The following NWD2 variants were observed in gnomAD, a reference collection of about 807,000 sequenced individuals.
NWD2 encodes NACHT and WD repeat domain-containing protein 2.
NWD2 carries 37 observed loss-of-function variants against 132.7 expected under a neutral mutation model. That is an observed-to-expected ratio of 0.28 (90% CI 0.21 to 0.37). The LOEUF is 0.37. Among genes scored for constraint, NWD2 ranks in the 10% least tolerant of loss-of-function variants. The probability of loss-of-function intolerance (pLI) is 1.00; values close to 1 mark genes in which losing one functional copy is unlikely to be tolerated. For synonymous variants in NWD2, 705 were observed against 803.0 expected, an observed-to-expected ratio of 0.88 and a Z score of 2.06; for missense variants, 1,592 against 2,122.4, an observed-to-expected ratio of 0.75 and a Z score of 4.91.
chr4:37,298,442 G>A (rs2109275442), intron 1 of NWD2, among the ~76,000 whole-genome samples: 1 of 152,288 alleles, frequency 6.6e-6, no homozygotes, highest in Admixed American at 6.5e-5. Context: ...CTAGGTGCGA[G>A]AGCCAGGCCA....
intron 1 of NWD2, among the ~76,000 whole-genome samples, chr4:37,266,989 C>A (rs934821877): frequency 6.6e-6 from 1 of 151,650 alleles, no homozygotes; most frequent in Non-Finnish European, 1.5e-5. Context: ...AGTTTAATGA[C>A]GAGAAAATAT....
chr4:37,259,182 T>G (rs1283473750), intron 1 of NWD2, among the ~76,000 whole-genome samples: 1 of 152,234 alleles, frequency 6.6e-6, no homozygotes, highest in African/African-American at 2.4e-5. Context: ...GGGCAGGTTC[T>G]AGAACCCTGA....
chr4:37,308,922 C>T (rs10032331), intron 1 of NWD2, among the ~76,000 whole-genome samples: 5,864 of 152,238 alleles, frequency 0.039, 346 homozygotes, highest in East Asian at 0.12. Flanking sequence ...GTCCTTAGGC[C>T]CCTGATGGGG....
At chr4:37,287,488 AG>A (rs1227907763) in intron 1 of NWD2, among the ~76,000 whole-genome samples, 2 of 152,210 alleles carry the variant, frequency 1.3e-5, no homozygotes, top group African/African-American at 4.8e-5. Flanking sequence ...TTGGTCCCCA[AG>A]AAGTGTTCCC....
chr4:37,385,440 G>A (rs1720539823), intron 3 of NWD2, among the ~76,000 whole-genome samples: 1 of 152,120 alleles, frequency 6.6e-6, no homozygotes, highest in Non-Finnish European at 1.5e-5. Flanking sequence ...CCCACAAAGG[G>A]TCCTGATCCT....
chr4:37,424,894 C>G (rs373420911), intron 3 of NWD2, among the ~76,000 whole-genome samples: 2 of 152,150 alleles, frequency 1.3e-5, no homozygotes, highest in South Asian at 4.1e-4. Flanking sequence ...GACTCAGACC[C>G]CAAAGATTCT....
chr4:37,356,336 A>T, intron 2 of NWD2, 30 bp from the exon 3 acceptor site: 1 of 1,237,504 alleles, frequency 8.1e-7, no homozygotes, highest in Non-Finnish European at 1.1e-6. Context: ...CCCACATGTA[A>T]ACTAATGCTC....
chr4:37,280,060 G>A (rs1212775155), intron 1 of NWD2, among the ~76,000 whole-genome samples: 1 of 152,136 alleles, frequency 6.6e-6, no homozygotes, highest in East Asian at 1.9e-4. Context: ...AGTACAGAAA[G>A]TCCTCCCCTA....
rs936588 is a variant in NWD2, at chr4:37,447,464, G to T, written c.*247G>T. 8 of 509,048 alleles carry T rather than the reference G, an allele frequency of 1.6e-5. No homozygotes were observed. Among genetic ancestry groups the T allele is most frequent in the Middle Eastern group, 5.2e-4 (1 of 1,924 alleles). 31.5% of individuals were successfully genotyped at this position (509,048 alleles called of 1,614,324 possible). ...ATGGTTACTTCATCTGAAAGGCAGA[G>T]GCTAAAAGTTTTTAAATTAGCTGTG... On this transcript the variant is annotated 3_prime_UTR_variant, in exon 7 of 7. Coordinates refer to ENST00000309447, the MANE Select transcript of NWD2 (RefSeq NM_001144990.2).
At chr4:37,253,560 G>A (rs1577644825) in intron 1 of NWD2, among the ~76,000 whole-genome samples, 2 of 152,166 alleles carry the variant, frequency 1.3e-5, no homozygotes, top group Admixed American at 1.3e-4. Flanking sequence ...AGGGAGTCCA[G>A]GAGGTCCTCG....
Position 37,439,467 on chromosome 4 carries a change from T to G in NWD2, c.1296+77T>G. On this transcript the variant is annotated intron_variant, in intron 6 of 6. Transcript: ENST00000309447. The surrounding 1 kb of genome is among the most constrained non-coding windows in gnomAD (Gnocchi z 4.5). ...AAATGGTAAATTAATCAAATTCATTTCTACTTTCTGAGTTTACTATGTGAA... is the reference window on the plus strand; with the variant it reads ...AAATGGTAAATTAATCAAATTCATTGCTACTTTCTGAGTTTACTATGTGAA... 1 of 1,022,064 alleles carries G rather than the reference T, an allele frequency of 9.8e-7. No homozygotes were observed. The highest frequency in any genetic ancestry group is 3.2e-5 in the Admixed American group (1 of 31,700). The allele number at this position is 1,022,064 out of a possible 1,614,324, so 63.3% of individuals were successfully genotyped here.
chr4:37,325,761 C>A (rs892695044), intron 1 of NWD2, among the ~76,000 whole-genome samples, 175 bp from the exon 2 acceptor site: 1 of 152,066 alleles, frequency 6.6e-6, no homozygotes, highest in African/African-American at 2.4e-5. Context: ...ATGGATGGAT[C>A]TCTGTGGAAT....
chr4:37,265,240 TAGAC>T (rs1717724996), intron 1 of NWD2, among the ~76,000 whole-genome samples: 1 of 152,080 alleles, frequency 6.6e-6, no homozygotes, highest in Non-Finnish European at 1.5e-5. Context: ...TGCAGTAAAT[TAGAC>T]AAGATTTAAT....
At chr4:37,411,300 A>T (rs1449406222) in intron 3 of NWD2, among the ~76,000 whole-genome samples, 6 of 152,240 alleles carry the variant, frequency 3.9e-5, no homozygotes, top group African/African-American at 1.4e-4. Flanking sequence ...GATACAGGGG[A>T]TATCACCACT....
chr4:37,382,170 C>T (rs1415217584), intron 3 of NWD2, among the ~76,000 whole-genome samples: 1 of 152,194 alleles, frequency 6.6e-6, no homozygotes, highest in Non-Finnish European at 1.5e-5. Context: ...ACTTGTATTT[C>T]GCAAATCCAC....
At chr4:37,429,108 AG>A (rs1712098699) in intron 3 of NWD2, among the ~76,000 whole-genome samples, 2 of 152,224 alleles carry the variant, frequency 1.3e-5, no homozygotes, top group Non-Finnish European at 2.9e-5. Context: ...TACCAAAAAA[AG>A]GTTTTTAATA....
At chr4:37,300,622 A>G (rs541286118) in intron 1 of NWD2, among the ~76,000 whole-genome samples, 4 of 152,154 alleles carry the variant, frequency 2.6e-5, no homozygotes, top group Non-Finnish European at 5.9e-5. Flanking sequence ...TATTTCAGAA[A>G]GAGAAACATC....
intron 1 of NWD2, among the ~76,000 whole-genome samples, chr4:37,288,599 A>C (rs1439028353): frequency 4.6e-5 from 7 of 152,236 alleles, no homozygotes; most frequent in Admixed American, 4.6e-4. Context: ...GCAGAAATTT[A>C]ATCAGCAAAC....
At chr4:37,270,435 T>A (rs1717844936) in intron 1 of NWD2, among the ~76,000 whole-genome samples, 1 of 151,810 alleles carries the variant, frequency 6.6e-6, no homozygotes, top group African/African-American at 2.4e-5. Flanking sequence ...TTCAGTCTGG[T>A]TAGCTTCCCT....
Sources: allele counts gnomAD v4.1 joint callset (sites outside exome capture counted in the v4.1 genomes callset), GRCh38; gene constraint gnomAD v4.1.1; non-coding constraint Gnocchi (gnomAD v3.1); transcripts MANE v1.5; gene names NCBI Gene and HGNC (gene_info 2026-07-23, HGNC 2026-07-21).